Variants in TEX101 observed in about 807,000 individuals in gnomAD.
The protein encoded by TEX101 is testis-expressed protein 101.
TEX101 carries 10 observed loss-of-function variants against 18.1 expected under a neutral mutation model. That is an observed-to-expected ratio of 0.55 (90% CI 0.34 to 0.94). The LOEUF is 0.94. Among genes scored for constraint, TEX101 ranks in the 40% least tolerant of loss-of-function variants. TEX101 has a pLI of 0.02. For synonymous variants in TEX101, 94 were observed against 114.8 expected (o/e 0.82, Z 1.16); for missense variants, 259 against 298.9 (o/e 0.87, Z 0.98).
At chr19:43,409,890 T>C (rs561875638), upstream of TEX101, among the ~76,000 whole-genome samples, 1 of 152,128 alleles carries the variant, frequency 6.6e-6, no homozygotes, top group South Asian at 2.1e-4. Context: ...AATAGTAAAA[T>C]AATTAGCTGG....
upstream of TEX101, among the ~76,000 whole-genome samples, chr19:43,411,358 G>C (rs2122336648): frequency 6.6e-6 from 1 of 152,260 alleles, no homozygotes; most frequent in East Asian, 1.9e-4. Context: ...TTACAGGCCT[G>C]AGCCACCGTG....
chr19:43,396,388 C>A, the TEX101 span, among the ~76,000 whole-genome samples: 1 of 152,216 alleles, frequency 6.6e-6, no homozygotes, highest in South Asian at 2.1e-4. Flanking sequence ...CTTAAAACAA[C>A]TCACTGTTTT....
intron 3 of TEX101, among the ~76,000 whole-genome samples, chr19:43,407,709 G>C (rs1037108072): frequency 3.3e-5 from 5 of 152,218 alleles, no homozygotes; most frequent in African/African-American, 1.2e-4. Flanking sequence ...AGGCCTCCAA[G>C]TCAGAATATG....
the TEX101 span, among the ~76,000 whole-genome samples, chr19:43,395,989 GA>G: frequency 2.6e-5 from 4 of 152,214 alleles, no homozygotes; most frequent in Non-Finnish European, 5.9e-5. Context: ...CCACCAAGAT[GA>G]GGCAGCAAGA....
chr19:43,398,795 G>T (rs1970296522), upstream of TEX101, among the ~76,000 whole-genome samples: 1 of 152,076 alleles, frequency 6.6e-6, no homozygotes, highest in South Asian at 2.1e-4. Flanking sequence ...AGAGATTATA[G>T]CCAAATCCCA....
At chr19:43,411,897 A>T (rs565468930), upstream of TEX101, among the ~76,000 whole-genome samples, 2 of 151,982 alleles carry the variant, frequency 1.3e-5, no homozygotes, top group East Asian at 3.9e-4. Context: ...CCTCAGGTGA[A>T]CCACCCACCT....
chr19:43,418,420 C>A lies in TEX101; in HGVS notation c.*23C>A. 1 of 1,587,816 alleles carries A rather than the reference C, an allele frequency of 6.3e-7. No homozygotes were observed. The highest frequency in any genetic ancestry group is 8.6e-7 in the Non-Finnish European group (1 of 1,162,864). ...TAAGAAGGCACTTCTGGGCCTGGGT[C>A]TGAGGACATCTTTTTTGACTGGGAG... On this transcript the variant is annotated 3_prime_UTR_variant, in exon 6 of 6. Transcript: ENST00000598265.
At chr19:43,416,620 C>T in intron 4 of TEX101, 65 bp downstream of exon 4, 3 of 1,509,266 alleles carry the variant, frequency 2.0e-6, no homozygotes, top group Non-Finnish European at 2.7e-6. Context: ...GTATGGCCTC[C>T]CTTTGCATTC....
chr19:43,404,069 G>GTTTT lies in TEX101; in HGVS notation c.-283+1224_-283+1227dup, dbSNP rs33928385. ...AAAAAAGATGGTCAAAAGTGTGTGGGTTTTTTTTTTTTTTTTTGGAAAAAA... is the reference window on the plus strand; with the variant it reads ...AAAAAAGATGGTCAAAAGTGTGTGGGTTTTTTTTTTTTTTTTTTTTTGGAAAAAA... On this transcript the variant is annotated intron_variant, in intron 2 of 7. Transcript: ENST00000602198. Among the ~76,000 whole-genome samples, 960 of 103,200 alleles carry GTTTT rather than the reference G, an allele frequency of 9.3e-3. 20 individuals carry two copies. Among genetic ancestry groups the GTTTT allele is most frequent in the South Asian group, 0.049 (147 of 3,020 alleles). The allele number at this position is 103,200 out of a possible 152,430, so 67.7% of individuals were successfully genotyped here. A position where few individuals can be genotyped will look rare whatever the true frequency, so the allele number is the denominator to read the frequency against.
chr19:43,407,416 C>T lies in TEX101; in HGVS notation c.15+897C>T, dbSNP rs1303123516. 1.1e-4 allele frequency among the ~76,000 whole-genome samples: 16 copies of T among 150,854 alleles called. 1 individual carries two copies. In the Admixed American group the frequency reaches 1.1e-3, roughly 10 times the overall value. ...AGGAGAATCACTTGAACCAGGGAGG[C>T]AGAGGTTGCAGTGAGCTGAGACGGT... On this transcript the variant is annotated intron_variant, in intron 3 of 7. Transcript: ENST00000602198.
At chr19:43,388,989 A>C in the TEX101 span, among the ~76,000 whole-genome samples, 2 of 151,932 alleles carry the variant, frequency 1.3e-5, no homozygotes. Context: ...CTCCTGGTTC[A>C]TCTGATCTCC....
At chr19:43,416,604 G>A in intron 4 of TEX101, 49 bp downstream of exon 4, 8 of 1,556,944 alleles carry the variant, frequency 5.1e-6, no homozygotes, top group Non-Finnish European at 7.0e-6. Flanking sequence ...TCCATAAAGA[G>A]CTTGTGTATG....
At chr19:43,416,683 T>A (rs1468399115) in intron 4 of TEX101, 128 bp downstream of exon 4, 1 of 880,324 alleles carries the variant, frequency 1.1e-6, no homozygotes, top group Non-Finnish European at 1.8e-6. Context: ...ACAGTTCAAG[T>A]AATTTTATGT....
Position 43,402,984 on chromosome 19 carries a change from T to C in TEX101, c.-283+125T>C, listed in dbSNP as rs1970331347. On this transcript the variant is annotated intron_variant, in intron 2 of 7. Transcript: ENST00000602198. ...CAATTCTTAACCCCTTAAAAAAGTA[T>C]GCTGAACCAGAAAGAAAAAACAAAA... 2.0e-5 allele frequency: 3 copies of C among 152,206 alleles called. No individual in the cohort carries two copies. The South Asian group carries it at 6.2e-4, about 32-fold the overall frequency. 9.4% of individuals were successfully genotyped at this position (152,206 alleles called of 1,614,324 possible). A position where few individuals can be genotyped will look rare whatever the true frequency, so the allele number is the denominator to read the frequency against.
chr19:43,396,829 T>C (rs1182037554), upstream of TEX101, among the ~76,000 whole-genome samples: 4 of 63,920 alleles, frequency 6.3e-5, no homozygotes, highest in Admixed American at 3.5e-4. Context: ...TTTCAGCATT[T>C]TTTTTTTTTT....
At chr19:43,389,244 C>T in the TEX101 span, among the ~76,000 whole-genome samples, 23 of 152,282 alleles carry the variant, frequency 1.5e-4, no homozygotes, top group South Asian at 4.1e-4. Flanking sequence ...AGGAGGAAGC[C>T]GGAAAGTTCA....
the TEX101 span, among the ~76,000 whole-genome samples, chr19:43,395,767 G>A: frequency 1.1e-4 from 17 of 152,350 alleles, no homozygotes; most frequent in East Asian, 1.9e-4. Context: ...AGCAGCTGCC[G>A]TTGTGCATTT....
chr19:43,418,536 A>G lies in TEX101; in HGVS notation c.*139A>G. The G allele has an allele frequency of 1.4e-6, 1 of 691,478 alleles. No homozygotes were observed. The highest frequency in any genetic ancestry group is 2.0e-5 in the South Asian group (1 of 51,270). 42.8% of individuals were successfully genotyped at this position (691,478 alleles called of 1,614,324 possible). On this transcript the variant is annotated 3_prime_UTR_variant, in exon 6 of 6. Transcript: ENST00000598265. ...ACTATGAACGTATTTGACATTTTTA[A>G]TACAATTTCTGCTATAATTTTTGTA...
At chr19:43,396,885 G>A (rs1157121250), upstream of TEX101, among the ~76,000 whole-genome samples, 1 of 136,858 alleles carries the variant, frequency 7.3e-6, no homozygotes, top group Admixed American at 8.5e-5. Context: ...CGCCCAGGCT[G>A]GAGTGCAGTG....
Sources: gnomAD v4.1 joint callset for allele counts (sites outside exome capture counted in the v4.1 genomes callset) on GRCh38, gnomAD v4.1.1 for gene constraint, MANE v1.5 for transcripts, NCBI Gene and HGNC (gene_info 2026-07-23, HGNC 2026-07-21) for gene names.